The following CPQ variants were observed in gnomAD, a reference collection of about 807,000 sequenced individuals.
CPQ encodes Ser-Met dipeptidase.
CPQ carries 37 observed loss-of-function variants against 45.7 expected under a neutral mutation model. That is an observed-to-expected ratio of 0.81 (90% CI 0.62 to 1.07). The LOEUF is 1.07. Ranked by LOEUF, CPQ falls within the 50% of genes least tolerant of loss-of-function variation. The probability of loss-of-function intolerance (pLI) is 0.00; values close to 1 mark genes in which losing one functional copy is unlikely to be tolerated. For missense variants in CPQ, 537 were observed against 572.9 expected (o/e 0.94, Z 0.64); for synonymous variants, 186 against 205.8 (o/e 0.90, Z 0.82).
At chr8:96,937,812 T>C (rs1208428885) in intron 4 of CPQ, among the ~76,000 whole-genome samples, 2 of 152,210 alleles carry the variant, frequency 1.3e-5, no homozygotes, top group African/African-American at 2.4e-5. Context: ...GCTTCTAAGA[T>C]ATCTTTTAGG....
intron 1 of CPQ, 36 bp from the exon 2 acceptor site, chr8:96,784,828 T>G: frequency 1.4e-6 from 2 of 1,453,420 alleles, no homozygotes; most frequent in South Asian, 1.4e-5. Context: ...TGTGAGATTC[T>G]TTTCCCCTAA....
At chr8:96,691,773 G>C (rs1166693584) in intron 1 of CPQ, among the ~76,000 whole-genome samples, 2 of 152,186 alleles carry the variant, frequency 1.3e-5, no homozygotes, top group African/African-American at 4.8e-5. Flanking sequence ...CCAAAGCCCA[G>C]CTAGTCCTCA....
At chr8:97,044,899 G>C (rs1326447905) in intron 6 of CPQ, among the ~76,000 whole-genome samples, 1 of 152,170 alleles carries the variant, frequency 6.6e-6, no homozygotes, top group African/African-American at 2.4e-5. Flanking sequence ...CCCCTACTGG[G>C]GGGTGCCTCC....
At position 97,028,792 on chromosome 8, in the gene CPQ, A is replaced by G. The variant is rs77890892; in HGVS notation, c.962-611A>G. 9.1e-3 allele frequency among the ~76,000 whole-genome samples: 1,387 copies of G among 152,346 alleles called. 24 individuals carry two copies. Among genetic ancestry groups the G allele is most frequent in the African/African-American group, 0.031 (1,306 of 41,582 alleles). On this transcript the variant is annotated intron_variant, in intron 5 of 7. Coordinates refer to ENST00000220763, the MANE Select transcript of CPQ (RefSeq NM_016134.4). ...AGCTGTTTGTGTAGTAATAAGGTCA[A>G]TAAATGTCATCCTCATTCAATTAAT...
At chr8:96,896,098 G>A (rs142607730) in intron 4 of CPQ, among the ~76,000 whole-genome samples, 54 of 152,146 alleles carry the variant, frequency 3.5e-4, no homozygotes, top group Middle Eastern at 3.4e-3. Context: ...GCAAATGAGG[G>A]CACTGGAATC....
At chr8:97,060,444 T>C (rs1333940252) in intron 6 of CPQ, among the ~76,000 whole-genome samples, 1 of 152,018 alleles carries the variant, frequency 6.6e-6, no homozygotes, top group East Asian at 1.9e-4. Context: ...CCATAAGAGG[T>C]TACCTTGGAG....
intron 5 of CPQ, among the ~76,000 whole-genome samples, chr8:97,022,986 TATATATATACA>T: frequency 6.8e-6 from 1 of 146,168 alleles, no homozygotes; most frequent in Non-Finnish European, 1.5e-5. Flanking sequence ...CTGTATATAG[TATATATATACA>T]GTATATATAT....
intron 5 of CPQ, among the ~76,000 whole-genome samples, chr8:97,027,099 T>A (rs888942073): frequency 1.3e-5 from 2 of 152,246 alleles, no homozygotes; most frequent in Non-Finnish European, 2.9e-5. Context: ...AATAGTACTT[T>A]ATCCTTTCTT....
intron 5 of CPQ, among the ~76,000 whole-genome samples, chr8:97,019,126 A>G (rs1809631164): frequency 6.6e-6 from 1 of 152,204 alleles, no homozygotes; most frequent in Non-Finnish European, 1.5e-5. Flanking sequence ...ACCCGGCGAA[A>G]TTAAGCTTCA....
intron 2 of CPQ, among the ~76,000 whole-genome samples, chr8:96,809,646 A>G (rs1039677713): frequency 3.3e-5 from 5 of 152,156 alleles, no homozygotes; most frequent in Non-Finnish European, 7.4e-5. Context: ...GAAATATTCT[A>G]TCTCTTGATT....
chr8:97,084,812 CTGTG>C (rs140213784), intron 7 of CPQ, among the ~76,000 whole-genome samples: 7 of 150,452 alleles, frequency 4.7e-5, no homozygotes, highest in Non-Finnish European at 1.0e-4. Flanking sequence ...TGTGTATACT[CTGTG>C]TGTGTGTGTG....
chr8:97,062,346 C>T (rs917414665), intron 6 of CPQ, among the ~76,000 whole-genome samples: 4 of 152,138 alleles, frequency 2.6e-5, no homozygotes, highest in African/African-American at 9.7e-5. Flanking sequence ...ATTCACCTGC[C>T]TTGGTAGCCC....
chr8:96,655,790 G>A (rs1223689395), intron 1 of CPQ, among the ~76,000 whole-genome samples: 1 of 152,162 alleles, frequency 6.6e-6, no homozygotes, highest in African/African-American at 2.4e-5. Flanking sequence ...TGATAAGTCC[G>A]TTGTAAAGTT....
chr8:96,956,962 G>A (rs944973273), intron 4 of CPQ, among the ~76,000 whole-genome samples: 1 of 152,232 alleles, frequency 6.6e-6, no homozygotes, highest in African/African-American at 2.4e-5. Flanking sequence ...GCCTTTCAAA[G>A]TAAAGTTGGC....
At chr8:97,030,077 T>C (rs1809874415) in intron 6 of CPQ, among the ~76,000 whole-genome samples, 2 of 152,196 alleles carry the variant, frequency 1.3e-5, no homozygotes, top group Non-Finnish European at 2.9e-5. Context: ...CAAGACCACA[T>C]GGAAGAGAGG....
chr8:96,872,125 A>G (rs1029398352), intron 3 of CPQ, among the ~76,000 whole-genome samples: 2 of 151,958 alleles, frequency 1.3e-5, no homozygotes, highest in African/African-American at 4.8e-5. Context: ...GAATTTTTTC[A>G]GATTTTGGAA....
intron 1 of CPQ, among the ~76,000 whole-genome samples, chr8:96,731,731 G>A (rs1310982347): frequency 1.3e-5 from 2 of 152,144 alleles, no homozygotes; most frequent in African/African-American, 2.4e-5. Flanking sequence ...GTGTTGAGGT[G>A]GGAAGGAGTT....
intron 7 of CPQ, among the ~76,000 whole-genome samples, chr8:97,068,599 C>T (rs1810681599): frequency 6.6e-6 from 1 of 152,206 alleles, no homozygotes; most frequent in Admixed American, 6.5e-5. Context: ...TGCCACTGCA[C>T]TCCAGCCTGA....
intron 4 of CPQ, among the ~76,000 whole-genome samples, chr8:96,889,519 T>C (rs1399009140): frequency 6.6e-6 from 1 of 152,124 alleles, no homozygotes; most frequent in Non-Finnish European, 1.5e-5. Context: ...TATATGTGTA[T>C]ATGAACAAGA....
Sources: allele counts gnomAD v4.1 joint callset (sites outside exome capture counted in the v4.1 genomes callset), GRCh38; gene constraint gnomAD v4.1.1; transcripts MANE v1.5; gene names NCBI Gene and HGNC (gene_info 2026-07-23, HGNC 2026-07-21).